Variants in NFATC1 observed in about 807,000 individuals in gnomAD.
NFATC1 encodes nuclear factor of activated T-cells, cytoplasmic 1.
In NFATC1, 22 loss-of-function variants were observed where a neutral mutation model predicts 76.0. The ratio of observed to expected loss-of-function variants is 0.29; its 90% confidence interval spans 0.21 to 0.41. The LOEUF is 0.41. Ranked by LOEUF, NFATC1 falls within the 10% of genes least tolerant of loss-of-function variation. The pLI is 1.00. For synonymous variants in NFATC1, 704 were observed against 613.1 expected, an observed-to-expected ratio of 1.15 and a Z score of -2.19; for missense variants, 1,357 against 1,337.7, an observed-to-expected ratio of 1.01 and a Z score of -0.23.
intron 4 of NFATC1, among the ~76,000 whole-genome samples, chr18:79,450,669 C>G (rs2087431902): frequency 6.6e-6 from 1 of 151,946 alleles, no homozygotes; most frequent in African/African-American, 2.4e-5. Context: ...AGGGTGGAGG[C>G]TGGAGGCTGG....
intron 8 of NFATC1, among the ~76,000 whole-genome samples, chr18:79,473,592 A>C (rs2088881414): frequency 7.1e-6 from 1 of 140,274 alleles, no homozygotes; most frequent in African/African-American, 2.8e-5. Context: ...CGACGTTGTA[A>C]ACCTGAGGGA....
chr18:79,420,758 C>T (rs113319243), intron 2 of NFATC1: 4,634 of 151,940 alleles, frequency 0.03, 81 homozygotes, highest in African/African-American at 0.053. Context: ...GAGGAGGACG[C>T]GTTTCCAGGC....
chr18:79,400,254 C>CCGGGGGG (rs2085144732), intron 1 of NFATC1: 3 of 1,056,056 alleles, frequency 2.8e-6, no homozygotes, highest in Non-Finnish European at 2.3e-6. Flanking sequence ...CGGAAACGCC[C>CCGGGGGG]CGGGGGGCGG....
At position 79,486,378 on chromosome 18, in the gene NFATC1, C is replaced by T; in HGVS notation, c.2223C>T (p.Ser741=). Residue 741 remains serine, a synonymous_variant, in exon 9 of 10, where the codon AGC becomes AGT. Transcript: ENST00000427363. ...AGCTCGCGATGCCACCCGACCCCAG[C>T]TCCTGCCTCGTGGCCGGCTTCCCGC... ...SQQLAMPPDP[S]SCLVAGFPPC... is the part of the protein sequence containing the mutation. The T allele has an allele frequency of 6.2e-7, 1 of 1,613,036 alleles. No individual in the cohort carries two copies. Among genetic ancestry groups the T allele is most frequent in the South Asian group, 1.1e-5 (1 of 91,088 alleles).
intron 3 of NFATC1, among the ~76,000 whole-genome samples, chr18:79,441,003 C>T (rs537135369): frequency 1.3e-5 from 2 of 152,352 alleles, no homozygotes; most frequent in African/African-American, 4.8e-5. Flanking sequence ...CACCTCCCTC[C>T]TCCAGGCAGG....
At chr18:79,401,103 T>C (rs1373218240) in intron 1 of NFATC1, among the ~76,000 whole-genome samples, 1 of 150,096 alleles carries the variant, frequency 6.7e-6, no homozygotes, top group Admixed American at 6.6e-5. Flanking sequence ...AAACCACAAA[T>C]AACTCCCCAC....
chr18:79,483,686 A>T (rs565750571), intron 8 of NFATC1, among the ~76,000 whole-genome samples: 1 of 133,762 alleles, frequency 7.5e-6, no homozygotes. Flanking sequence ...CTGGGGTGTC[A>T]CTCCAGCGTG....
intron 9 of NFATC1, among the ~76,000 whole-genome samples, chr18:79,520,798 C>A (rs1383625194): frequency 2.0e-5 from 1 of 50,760 alleles, no homozygotes; most frequent in Non-Finnish European, 3.3e-5. Context: ...GGGGGGCATC[C>A]ACTGATGTGT....
At chr18:79,418,591 C>A (rs909950840) in intron 2 of NFATC1, among the ~76,000 whole-genome samples, 1 of 152,216 alleles carries the variant, frequency 6.6e-6, no homozygotes, top group East Asian at 1.9e-4. Context: ...GTCCTTGGAG[C>A]CACAGCTCCC....
At chr18:79,491,682 C>T (rs1349340136) in intron 9 of NFATC1, among the ~76,000 whole-genome samples, 3 of 152,332 alleles carry the variant, frequency 2.0e-5, no homozygotes, top group Non-Finnish European at 2.9e-5. Flanking sequence ...CTGGCCTGGC[C>T]GCCACCTCCA....
intron 9 of NFATC1, among the ~76,000 whole-genome samples, chr18:79,503,849 G>A (rs2090064933): frequency 6.6e-6 from 1 of 152,226 alleles, no homozygotes; most frequent in African/African-American, 2.4e-5. Flanking sequence ...AGAACTTGCT[G>A]CAGCTTCCCC....
At chr18:79,499,403 AAT>A in intron 9 of NFATC1, among the ~76,000 whole-genome samples, 1 of 152,388 alleles carries the variant, frequency 6.6e-6, no homozygotes, top group East Asian at 1.9e-4. Flanking sequence ...TACACTAGAA[AAT>A]ATGTGTGTAA....
chr18:79,403,469 G>C (rs2085333118), intron 1 of NFATC1, among the ~76,000 whole-genome samples: 2 of 152,214 alleles, frequency 1.3e-5, no homozygotes, highest in Admixed American at 6.5e-5. Context: ...TCCCTTCTGG[G>C]GCTCAGGAAA....
chr18:79,525,944 A>G (rs966225266), intron 9 of NFATC1, among the ~76,000 whole-genome samples: 3 of 152,270 alleles, frequency 2.0e-5, no homozygotes, highest in African/African-American at 7.2e-5. Context: ...CTCGTGCCAC[A>G]GATGCCAAGC....
chr18:79,433,188 C>T (rs1198700856), intron 2 of NFATC1, among the ~76,000 whole-genome samples: 2 of 152,228 alleles, frequency 1.3e-5, no homozygotes, highest in African/African-American at 4.8e-5. Flanking sequence ...CTCATGGCAG[C>T]CACACAGCTG....
chr18:79,475,959 G>A (rs1414230193), intron 8 of NFATC1, among the ~76,000 whole-genome samples: 1 of 152,248 alleles, frequency 6.6e-6, no homozygotes, highest in Non-Finnish European at 1.5e-5. Context: ...CTGTGAAAGA[G>A]CCACAGGGCT....
At chr18:79,447,866 A>G (rs934604484) in intron 3 of NFATC1, among the ~76,000 whole-genome samples, 3 of 152,376 alleles carry the variant, frequency 2.0e-5, no homozygotes, top group East Asian at 1.9e-4. Context: ...TGGTGCAGAG[A>G]AGGAGGGTGA....
chr18:79,431,538 A>AC (rs1256127944), intron 2 of NFATC1, among the ~76,000 whole-genome samples: 1 of 152,082 alleles, frequency 6.6e-6, no homozygotes, highest in Non-Finnish European at 1.5e-5. Context: ...GATGTGCACC[A>AC]CCACGTCCTG....
rs574418129 is a variant in NFATC1 at position 79,444,791 on chromosome 18, G to C, written c.1387-3991G>C. 1.2e-3 allele frequency among the ~76,000 whole-genome samples: 183 copies of C among 148,188 alleles called. 1 individual carries two copies. Among genetic ancestry groups the C allele is most frequent in the African/African-American group, 4.7e-3 (176 of 37,826 alleles). On this transcript the variant is annotated intron_variant, in intron 3 of 9. Transcript: ENST00000427363. Reference sequence around the variant, plus strand: ...GCGCTGCACACACAGGCACCCCCGTGGCCACACACATGCCTGCACACGCAC... The same window carrying C: ...GCGCTGCACACACAGGCACCCCCGTCGCCACACACATGCCTGCACACGCAC...
Sources: allele counts gnomAD v4.1 joint callset (sites outside exome capture counted in the v4.1 genomes callset), GRCh38; gene constraint gnomAD v4.1.1; transcripts MANE v1.5; gene names NCBI Gene and HGNC (gene_info 2026-07-23, HGNC 2026-07-21).